BBS9: variants seen among roughly 807,000 people sequenced by gnomAD.
The protein encoded by BBS9 is Bardet-Biedl syndrome 9.
In BBS9, 89 loss-of-function variants were observed where a neutral mutation model predicts 117.7. The observed-to-expected ratio is 0.76, with a 90% CI of 0.64 to 0.90. The LOEUF (loss-of-function observed/expected upper bound fraction) is 0.90. Among genes scored for constraint, BBS9 ranks in the 40% least tolerant of loss-of-function variants. BBS9 has a pLI of 0.00. For missense variants in BBS9, 982 were observed against 1,042.2 expected, an observed-to-expected ratio of 0.94 and a Z score of 0.80; for synonymous variants, 379 against 370.9, an observed-to-expected ratio of 1.02 and a Z score of -0.25.
At chr7:33,495,715 A>G (rs1457381612) in intron 19 of BBS9, among the ~76,000 whole-genome samples, 4 of 152,184 alleles carry the variant, frequency 2.6e-5, no homozygotes, top group South Asian at 2.1e-4. Context: ...GCCAGGGGGA[A>G]AAAAAGGTAA....
chr7:33,210,274 G>GT (rs1787765525), intron 5 of BBS9, among the ~76,000 whole-genome samples: 1 of 152,130 alleles, frequency 6.6e-6, no homozygotes, highest in Admixed American at 6.6e-5. Flanking sequence ...ATTATTTCAA[G>GT]TTTTTTGAAT....
chr7:33,602,584 T>C (rs1342834358), intron 21 of BBS9, among the ~76,000 whole-genome samples: 1 of 151,974 alleles, frequency 6.6e-6, no homozygotes, highest in African/African-American at 2.4e-5. Flanking sequence ...CAAAATTAGC[T>C]GGGCATGGTG....
intron 9 of BBS9, among the ~76,000 whole-genome samples, chr7:33,295,882 G>T (rs1304325488): frequency 2.0e-5 from 3 of 151,860 alleles, no homozygotes; most frequent in South Asian, 2.1e-4. Flanking sequence ...GCAAAGAAAA[G>T]ATAATAAAAT....
At chr7:33,354,090 A>C (rs928606038) in intron 15 of BBS9, among the ~76,000 whole-genome samples, 1 of 152,168 alleles carries the variant, frequency 6.6e-6, no homozygotes, top group Admixed American at 6.6e-5. Flanking sequence ...CCAAACTATG[A>C]GGAAAAAACC....
chr7:33,237,603 G>T (rs1408391066), intron 5 of BBS9, among the ~76,000 whole-genome samples: 1 of 152,216 alleles, frequency 6.6e-6, no homozygotes, highest in Non-Finnish European at 1.5e-5. Flanking sequence ...TAGAAAGTTT[G>T]CAGAGAGCTT....
chr7:33,159,229 T>G lies in BBS9; in HGVS notation c.328+3527T>G, dbSNP rs190349010. Reference sequence around the variant, plus strand: ...GGTCATCCTCTCAATTTTGAGAGATTGACCACAACTAGTCATTGATGTCAC... The same window carrying G: ...GGTCATCCTCTCAATTTTGAGAGATGGACCACAACTAGTCATTGATGTCAC... On this transcript the variant is annotated intron_variant, in intron 4 of 22. Coordinates refer to ENST00000242067, the MANE Select transcript of BBS9 (RefSeq NM_198428.3). Among the ~76,000 whole-genome samples the G allele has an allele frequency of 5.0e-4, 76 of 152,324 alleles. No individual in the cohort carries two copies. In the East Asian group the frequency reaches 0.014, roughly 28 times the overall value.
chr7:33,512,324 T>C lies in BBS9; in HGVS notation c.2298+6679T>C, dbSNP rs150613375. On this transcript the variant is annotated intron_variant, in intron 20 of 22. Transcript: ENST00000242067. ...GTAGAATACAATGCACAAGTTGTGATGTGTACTTTAAAAAACTTTCTTTAC... is the reference window on the plus strand; with the variant it reads ...GTAGAATACAATGCACAAGTTGTGACGTGTACTTTAAAAAACTTTCTTTAC... Among the ~76,000 whole-genome samples the C allele has an allele frequency of 5.0e-3, 763 of 152,340 alleles. 8 individuals carry two copies. The highest frequency in any genetic ancestry group is 0.017 in the African/African-American group (709 of 41,582).
chr7:33,471,074 A>G (rs1483627850), intron 19 of BBS9, among the ~76,000 whole-genome samples: 2 of 152,220 alleles, frequency 1.3e-5, no homozygotes, highest in East Asian at 3.8e-4. Flanking sequence ...TTTAGCTGGT[A>G]TCACTAAAAA....
In BBS9 at chr7:33,451,672, G is replaced by C. The variant is rs76787940; in HGVS notation, c.2116-53791G>C. Reference sequence around the variant, plus strand: ...CTGTCTCACTGTTTTTGTTCTTCTGGATTCTCTGAGGTTACATATGAAATT... The same window carrying C: ...CTGTCTCACTGTTTTTGTTCTTCTGCATTCTCTGAGGTTACATATGAAATT... On this transcript the variant is annotated intron_variant, in intron 19 of 22. Transcript: ENST00000242067. 8.0e-4 allele frequency among the ~76,000 whole-genome samples: 122 copies of C among 152,124 alleles called. No individual in the cohort carries two copies. In the East Asian group the frequency reaches 0.021, roughly 26 times the overall value.
In BBS9 at chr7:33,481,070, C is replaced by T. The variant is rs1262094180; in HGVS notation, c.2116-24393C>T. 5.3e-5 allele frequency among the ~76,000 whole-genome samples: 8 copies of T among 152,122 alleles called. No homozygotes were observed. In the South Asian group the frequency reaches 1.7e-3, roughly 32 times the overall value. ...AAATTATCCAGTCTCAGGGAGTTTT[C>T]TATAGTAGTGTGAAAATGGACTAAG... On this transcript the variant is annotated intron_variant, in intron 19 of 22. Coordinates refer to ENST00000242067, the MANE Select transcript of BBS9 (RefSeq NM_198428.3).
chr7:33,368,206 G>T (rs1168118571), intron 17 of BBS9, among the ~76,000 whole-genome samples: 1 of 152,092 alleles, frequency 6.6e-6, no homozygotes, highest in African/African-American at 2.4e-5. Context: ...TATTTTTGAG[G>T]TAGGTATATG....
chr7:33,505,416 T>C, intron 19 of BBS9, 47 bp from the exon 20 acceptor site: 1 of 1,586,822 alleles, frequency 6.3e-7, no homozygotes, highest in African/African-American at 1.3e-5. Context: ...TGTTGAGGGC[T>C]CAATAATTGT....
At chr7:33,236,579 C>T (rs183722722) in intron 5 of BBS9, among the ~76,000 whole-genome samples, 17 of 151,896 alleles carry the variant, frequency 1.1e-4, no homozygotes, top group Admixed American at 9.2e-4. Context: ...TTAAAAAATA[C>T]ATAATTTATA....
At chr7:33,333,270 C>G (rs1394548896) in intron 9 of BBS9, among the ~76,000 whole-genome samples, 1 of 152,190 alleles carries the variant, frequency 6.6e-6, no homozygotes, top group Admixed American at 6.5e-5. Context: ...GCTTTTGCAT[C>G]TTCATAGCTT....
intron 5 of BBS9, among the ~76,000 whole-genome samples, chr7:33,208,219 A>T (rs141464403): frequency 9.2e-5 from 14 of 152,322 alleles, no homozygotes; most frequent in African/African-American, 3.4e-4. Flanking sequence ...GTTTCTTCTA[A>T]GTGAATATCT....
intron 21 of BBS9, among the ~76,000 whole-genome samples, chr7:33,541,760 G>T (rs541472708): frequency 6.6e-6 from 1 of 152,166 alleles, no homozygotes; most frequent in Non-Finnish European, 1.5e-5. Flanking sequence ...AATTCAAGGC[G>T]ACAGAAAGTA....
intron 20 of BBS9, among the ~76,000 whole-genome samples, chr7:33,510,497 CTCATTTAT>C (rs1846785261): frequency 1.3e-5 from 2 of 152,024 alleles, no homozygotes; most frequent in Admixed American, 1.3e-4. Flanking sequence ...AATCTCTTTA[CTCATTTAT>C]TCATTCAATG....
At chr7:33,464,435 A>T (rs1398799892) in intron 19 of BBS9, among the ~76,000 whole-genome samples, 1 of 152,136 alleles carries the variant, frequency 6.6e-6, no homozygotes, top group African/African-American at 2.4e-5. Flanking sequence ...TGTAATGGAT[A>T]TGAAACTGGA....
intron 19 of BBS9, among the ~76,000 whole-genome samples, chr7:33,484,389 A>G (rs532301247): frequency 1.2e-4 from 18 of 152,370 alleles, no homozygotes; most frequent in African/African-American, 4.1e-4. Context: ...AGTTGGAATC[A>G]TAGCCATTTA....
Sources: allele counts gnomAD v4.1 joint callset (sites outside exome capture counted in the v4.1 genomes callset), GRCh38; gene constraint gnomAD v4.1.1; transcripts MANE v1.5; gene names NCBI Gene and HGNC (gene_info 2026-07-23, HGNC 2026-07-21).